The following DGKI variants were observed in gnomAD, a reference collection of about 807,000 sequenced individuals.
DGKI encodes diacylglycerol kinase iota, also known as DAG kinase iota.
DGKI carries 55 observed loss-of-function variants against 147.5 expected under a neutral mutation model. The ratio of observed to expected loss-of-function variants is 0.37; its 90% CI spans 0.30 to 0.47. The LOEUF is 0.47. Ranked by LOEUF, DGKI falls within the 20% of genes least tolerant of loss-of-function variation. DGKI has a pLI of 1.00. For missense variants in DGKI, 1,007 were observed against 1,323.8 expected, an observed-to-expected ratio of 0.76 and a Z score of 3.71; for synonymous variants, 469 against 477.1, an observed-to-expected ratio of 0.98 and a Z score of 0.22.
intron 27 of DGKI, among the ~76,000 whole-genome samples, chr7:137,448,196 G>A (rs1483813737): frequency 6.6e-6 from 1 of 150,560 alleles, no homozygotes; most frequent in Admixed American, 6.7e-5. Context: ...AAACCTAGAA[G>A]AGGATGCTGA....
chr7:137,406,930 C>CAAAAAAAAAAAA (rs3046570), intron 30 of DGKI, among the ~76,000 whole-genome samples: 1 of 92,544 alleles, frequency 1.1e-5, no homozygotes, highest in Non-Finnish European at 2.0e-5. Context: ...TGCTGAATTG[C>CAAAAAAAAAAAA]AAAAAAAAAA....
At chr7:137,800,119 T>A (rs949227258) in intron 1 of DGKI, among the ~76,000 whole-genome samples, 1 of 152,132 alleles carries the variant, frequency 6.6e-6, no homozygotes, top group Non-Finnish European at 1.5e-5. Flanking sequence ...GGGATTCCAA[T>A]TTCCCCCCTA....
At chr7:137,461,883 C>T (rs571257742) in intron 27 of DGKI, among the ~76,000 whole-genome samples, 6 of 152,124 alleles carry the variant, frequency 3.9e-5, no homozygotes, top group South Asian at 4.1e-4. Context: ...GATAGTTTAA[C>T]GCAAACAGAC....
intron 24 of DGKI, among the ~76,000 whole-genome samples, chr7:137,467,440 G>A (rs897968477): frequency 6.6e-6 from 1 of 152,138 alleles, no homozygotes; most frequent in Non-Finnish European, 1.5e-5. Context: ...AGTAAATAAA[G>A]CTAGAAAAAG....
intron 20 of DGKI, among the ~76,000 whole-genome samples, chr7:137,538,384 T>C (rs1411150120): frequency 6.6e-6 from 1 of 152,202 alleles, no homozygotes; most frequent in Non-Finnish European, 1.5e-5. Context: ...TCACAAGGAA[T>C]TTTGGAATGC....
intron 19 of DGKI, among the ~76,000 whole-genome samples, chr7:137,560,069 C>T (rs957949149): frequency 5.9e-5 from 9 of 152,106 alleles, no homozygotes; most frequent in African/African-American, 2.2e-4. Context: ...ACAGTACACA[C>T]TAAGTCACAA....
chr7:137,409,528 AG>A (rs1378501139), intron 29 of DGKI, among the ~76,000 whole-genome samples: 1 of 152,186 alleles, frequency 6.6e-6, no homozygotes, highest in Non-Finnish European at 1.5e-5. Flanking sequence ...AGCTGAATGG[AG>A]GTAAGGACAA....
intron 21 of DGKI, among the ~76,000 whole-genome samples, chr7:137,497,252 A>G (rs914647579): frequency 6.6e-6 from 1 of 152,190 alleles, no homozygotes; most frequent in Admixed American, 6.5e-5. Context: ...ATGCCATCTC[A>G]CACCAGTCAA....
chr7:137,735,145 C>T (rs926261351), intron 1 of DGKI, among the ~76,000 whole-genome samples: 2 of 152,082 alleles, frequency 1.3e-5, no homozygotes, highest in African/African-American at 4.8e-5. Flanking sequence ...ACACGTCTGT[C>T]CCATTTAACA....
chr7:137,607,930 C>T (rs1327778170), intron 10 of DGKI, among the ~76,000 whole-genome samples: 1 of 152,126 alleles, frequency 6.6e-6, no homozygotes, highest in Non-Finnish European at 1.5e-5. Context: ...ACATTTTTAC[C>T]ATATCAAGTT....
chr7:137,706,625 T>G (rs1585392361), intron 1 of DGKI, among the ~76,000 whole-genome samples: 1 of 151,532 alleles, frequency 6.6e-6, no homozygotes, highest in South Asian at 2.1e-4. Context: ...TAGGCTGGAG[T>G]GCAATGGTGC....
intron 6 of DGKI, among the ~76,000 whole-genome samples, chr7:137,628,146 G>C (rs897951850): frequency 1.3e-5 from 2 of 152,064 alleles, no homozygotes; most frequent in African/African-American, 4.8e-5. Flanking sequence ...AATGATATAG[G>C]GTGAGTGTAT....
intron 1 of DGKI, among the ~76,000 whole-genome samples, chr7:137,787,329 G>C (rs760791392): frequency 1.1e-4 from 17 of 152,066 alleles, no homozygotes; most frequent in South Asian, 8.3e-4. Context: ...CAATTCTCAA[G>C]AAAAGATATA....
chr7:137,832,418 G>T (rs1365720350), intron 1 of DGKI, among the ~76,000 whole-genome samples: 1 of 152,216 alleles, frequency 6.6e-6, no homozygotes, highest in Non-Finnish European at 1.5e-5. Context: ...CCATGTACCT[G>T]CAGGCTCAAC....
intron 8 of DGKI, among the ~76,000 whole-genome samples, chr7:137,610,101 G>A (rs1209624719): frequency 3.3e-5 from 5 of 150,242 alleles, no homozygotes; most frequent in Non-Finnish European, 7.4e-5. Flanking sequence ...ATCTTTTCTA[G>A]TAATAGTCAT....
intron 1 of DGKI, among the ~76,000 whole-genome samples, chr7:137,809,191 A>G (rs1204979315): frequency 1.3e-5 from 2 of 152,196 alleles, no homozygotes; most frequent in Admixed American, 1.3e-4. Flanking sequence ...AAATGACAGA[A>G]TCTGATCTAT....
At chr7:137,405,459 T>C (rs998252397) in intron 30 of DGKI, among the ~76,000 whole-genome samples, 1 of 152,158 alleles carries the variant, frequency 6.6e-6, no homozygotes, top group African/African-American at 2.4e-5. Flanking sequence ...CAAAGTCAAA[T>C]AGAAAAACGA....
At chr7:137,566,043 C>T (rs1332303664) in intron 19 of DGKI, among the ~76,000 whole-genome samples, 1 of 152,020 alleles carries the variant, frequency 6.6e-6, no homozygotes, top group African/African-American at 2.4e-5. Context: ...AAATCATAAG[C>T]AATGTACAAA....
intron 1 of DGKI, among the ~76,000 whole-genome samples, chr7:137,789,062 A>T (rs1466117798): frequency 6.6e-6 from 1 of 152,228 alleles, no homozygotes; most frequent in African/African-American, 2.4e-5. Flanking sequence ...AAGAACAAGG[A>T]TTCTCTTATT....
Sources: gnomAD v4.1 joint callset for allele counts (sites outside exome capture counted in the v4.1 genomes callset) on GRCh38, gnomAD v4.1.1 for gene constraint, MANE v1.5 for transcripts, NCBI Gene and HGNC (gene_info 2026-07-23, HGNC 2026-07-21) for gene names.